The following ITGAM variants were observed in gnomAD, a reference collection of about 807,000 sequenced individuals.
The protein encoded by ITGAM is integrin subunit alpha M, also known as integrin alpha-M.
ITGAM carries 79 observed loss-of-function variants against 137.5 expected under a neutral mutation model. The observed-to-expected ratio is 0.57, with a 90% CI of 0.48 to 0.69. The LOEUF is 0.69. Among genes scored for constraint, ITGAM ranks in the 30% least tolerant of loss-of-function variants. The pLI is 0.00. For synonymous variants in ITGAM, 583 were observed against 592.3 expected (o/e 0.98, Z 0.23); for missense variants, 1,343 against 1,483.5 (o/e 0.91, Z 1.56).
At chr16:31,298,186 G>T in intron 14 of ITGAM, among the ~76,000 whole-genome samples, 1 of 143,378 alleles carries the variant, frequency 7.0e-6, no homozygotes, top group African/African-American at 2.7e-5. Context: ...AGGGCAACAT[G>T]GTGAGAACCC....
At chr16:31,261,865 T>A (rs2079703815) in intron 2 of ITGAM, 68 bp downstream of exon 2, 1 of 943,594 alleles carries the variant, frequency 1.1e-6, no homozygotes, top group Admixed American at 2.3e-5. Context: ...CTGAAAAAAA[T>A]CAGCGATTTG....
chr16:31,295,226 C>A (rs981903303), intron 12 of ITGAM, among the ~76,000 whole-genome samples: 7 of 151,978 alleles, frequency 4.6e-5, no homozygotes, highest in African/African-American at 1.7e-4. Flanking sequence ...TGTGGTTCTA[C>A]ATAAATTTTA....
rs1193625526 is a variant in ITGAM, at chr16:31,302,442, T to TCTTC, written c.1707+4491_1707+4492insCCTT. 1.4e-3 allele frequency among the ~76,000 whole-genome samples: 148 copies of TCTTC among 105,124 alleles called. 1 individual carries two copies. Among genetic ancestry groups the TCTTC allele is most frequent in the Non-Finnish European group, 2.1e-3 (120 of 55,830 alleles). 69.0% of individuals were successfully genotyped at this position (105,124 alleles called of 152,430 possible). Reference sequence around the variant, plus strand: ...TTTCTTTCTTTCTTCTTTCTTTCTTTCTTTCTTTCTTCCTTCCTTTCTTTC... The same window carrying TCTTC: ...TTTCTTTCTTTCTTCTTTCTTTCTTTCTTCCTTTCTTTCTTCCTTCCTTTCTTTC... On this transcript the variant is annotated intron_variant, in intron 14 of 29. Coordinates refer to ENST00000544665, the MANE Select transcript of ITGAM (RefSeq NM_000632.4).
intron 12 of ITGAM, among the ~76,000 whole-genome samples, chr16:31,280,216 G>C (rs941135432): frequency 5.3e-5 from 8 of 152,198 alleles, no homozygotes; most frequent in African/African-American, 1.7e-4. Context: ...ACTTGGCAAT[G>C]TGGGCTCTTT....
intron 14 of ITGAM, among the ~76,000 whole-genome samples, chr16:31,300,697 G>A (rs761426645): frequency 1.3e-5 from 2 of 152,150 alleles, no homozygotes; most frequent in Non-Finnish European, 2.9e-5. Flanking sequence ...TATCACCTGA[G>A]GTCAGGAGTT....
chr16:31,286,115 C>T (rs1204641828), intron 12 of ITGAM, among the ~76,000 whole-genome samples: 2 of 152,074 alleles, frequency 1.3e-5, no homozygotes, highest in African/African-American at 4.8e-5. Context: ...TTTTCTGTTC[C>T]TGTGCCAATT....
At position 31,276,973 on chromosome 16, in the gene ITGAM, T is replaced by C. The variant is rs2079913896; in HGVS notation, c.1137T>C (p.Phe379=). The change falls in exon 11 of 30, where the codon TTT becomes TTC. Residue 379 remains phenylalanine, a synonymous_variant. Coordinates refer to ENST00000544665, the MANE Select transcript of ITGAM (RefSeq NM_000632.4). The stretch of plus-strand genomic sequence containing the variant: ...GCTATGACTGGGCTGGTGGAGTCTT[T>C]CTATATACATCAAAGGAGAAAAGCA... ...VGSYDWAGGV[F]LYTSKEKSTF... 6.2e-7 allele frequency: 1 copy of C among 1,613,090 alleles called. No homozygotes were observed. The highest frequency in any genetic ancestry group is 1.7e-5 in the Admixed American group (1 of 59,866).
At chr16:31,263,577 T>C (rs1350458703) in intron 2 of ITGAM, among the ~76,000 whole-genome samples, 1 of 152,040 alleles carries the variant, frequency 6.6e-6, no homozygotes, top group African/African-American at 2.4e-5. Flanking sequence ...AGTGGTATCT[T>C]AATTTAGCTT....
At position 31,311,705 on chromosome 16, in the gene ITGAM, A is replaced by G. The variant is rs2080333808; in HGVS notation, c.1708-9536A>G. ...GTTGGTGGGACTGTAAACTAGTTCA[A>G]CCATTGTGGAAGTCAGTGTGGTGAT... On this transcript the variant is annotated intron_variant, in intron 14 of 29. Transcript: ENST00000544665. Among the ~76,000 whole-genome samples, 3 of 152,218 alleles carry G rather than the reference A, an allele frequency of 2.0e-5. No homozygotes were observed. The South Asian group carries it at 6.2e-4, about 32-fold the overall frequency.
At position 31,270,726 on chromosome 16, in the gene ITGAM, TATATATATATATATATA is replaced by T. The variant is rs2079826388; in HGVS notation, c.428-227_428-211del. ...ATATATATATATATATATATATATA[TATATATATATATATATA>T]TGTTTTTAACGTGTGTATACATATA... is the stretch of plus-strand genomic sequence containing the variant. On this transcript the variant is annotated intron_variant, in intron 5 of 29. Transcript: ENST00000544665. Among the ~76,000 whole-genome samples, 3 of 110,278 alleles carry T rather than the reference TATATATATATATATATA, an allele frequency of 2.7e-5. 1 individual carries two copies. Among genetic ancestry groups the T allele is most frequent in the African/African-American group, 7.8e-5 (2 of 25,644 alleles). 72.3% of individuals were successfully genotyped at this position (110,278 alleles called of 152,430 possible).
intron 12 of ITGAM, among the ~76,000 whole-genome samples, chr16:31,279,154 T>C (rs1451041997): frequency 2.0e-5 from 3 of 152,230 alleles, no homozygotes; most frequent in Admixed American, 6.5e-5. Flanking sequence ...ACATTTGGGT[T>C]GGTTCCAAGT....
intron 12 of ITGAM, among the ~76,000 whole-genome samples, chr16:31,282,724 G>C (rs1291186821): frequency 2.6e-5 from 4 of 152,114 alleles, no homozygotes; most frequent in Non-Finnish European, 5.9e-5. Flanking sequence ...TTACATTTAA[G>C]GTTAGTATTG....
At chr16:31,327,079 C>T (rs1332920194) in intron 22 of ITGAM, 144 bp downstream of exon 22, 16 of 730,918 alleles carry the variant, frequency 2.2e-5, no homozygotes, top group Admixed American at 3.8e-5. Flanking sequence ...CCACCCACCA[C>T]GTGCTGGGCC....
At chr16:31,283,813 A>C (rs1022846739) in intron 12 of ITGAM, among the ~76,000 whole-genome samples, 2 of 152,196 alleles carry the variant, frequency 1.3e-5, no homozygotes, top group South Asian at 2.1e-4. Context: ...TCTGATTTTT[A>C]AAATTTTCAG....
chr16:31,266,952 C>G (rs960542262), intron 5 of ITGAM, among the ~76,000 whole-genome samples: 1 of 151,626 alleles, frequency 6.6e-6, no homozygotes, highest in Non-Finnish European at 1.5e-5. Flanking sequence ...ACTGCAACCT[C>G]TGCCTCCCAG....
chr16:31,305,677 T>C (rs1322809625), intron 14 of ITGAM, among the ~76,000 whole-genome samples: 2 of 152,192 alleles, frequency 1.3e-5, no homozygotes, highest in African/African-American at 2.4e-5. Context: ...CATAAAGGGA[T>C]GCTGGATTTT....
At chr16:31,265,774 C>T (rs1478466684) in intron 3 of ITGAM, 37 bp from the exon 4 acceptor site, 3 of 1,589,936 alleles carry the variant, frequency 1.9e-6, no homozygotes, top group South Asian at 1.1e-5. Flanking sequence ...TCTCTGTCCC[C>T]CCACCAGGGT....
intron 2 of ITGAM, among the ~76,000 whole-genome samples, chr16:31,263,042 A>G (rs562936532): frequency 1.3e-5 from 2 of 152,156 alleles, no homozygotes; most frequent in South Asian, 4.2e-4. Context: ...CCTGGGTTCA[A>G]TCGATTCTCC....
Position 31,288,974 on chromosome 16 carries a change from C to T in ITGAM, c.1357-8540C>T, listed in dbSNP as rs576086059. On this transcript the variant is annotated intron_variant, in intron 12 of 29. Transcript: ENST00000544665. ...TTAACAGACATTTCTCAAAAGAAGA[C>T]ATTTATGCAGCCAACAGACACATGA... is the stretch of plus-strand genomic sequence containing the variant. Among the ~76,000 whole-genome samples the T allele has an allele frequency of 1.1e-4, 16 of 152,296 alleles. 1 individual carries two copies. The South Asian group carries it at 3.1e-3, about 30-fold the overall frequency.
Sources: gnomAD v4.1 joint callset for allele counts (sites outside exome capture counted in the v4.1 genomes callset) on GRCh38, gnomAD v4.1.1 for gene constraint, MANE v1.5 for transcripts, NCBI Gene and HGNC (gene_info 2026-07-23, HGNC 2026-07-21) for gene names.